Variants in ELFN1 observed in about 807,000 individuals in gnomAD.
ELFN1 encodes the protein extracellular leucine rich repeat and fibronectin type III domain containing 1, also known as protein ELFN1.
ELFN1 carries 6 observed loss-of-function variants against 7.6 expected under a neutral mutation model. The observed-to-expected ratio is 0.79, with a 90% confidence interval of 0.43 to 1.56. ELFN1 has a LOEUF of 1.56. ELFN1 is among the 40% of genes most tolerant of loss of function. The probability of loss-of-function intolerance (pLI) is 0.01; values close to 1 mark genes in which losing one functional copy is unlikely to be tolerated. For missense variants in ELFN1, 1,169 were observed against 1,232.2 expected (o/e 0.95, Z 0.77); for synonymous variants, 657 against 588.1 (o/e 1.12, Z -1.70).
At chr7:1,717,679 T>C (rs1779876415) in intron 3 of ELFN1, among the ~76,000 whole-genome samples, 1 of 152,036 alleles carries the variant, frequency 6.6e-6, no homozygotes, top group Admixed American at 6.5e-5. Context: ...AAGAAGAGTG[T>C]GTGGAACTTA....
Position 1,744,503 on chromosome 7 carries a change from C to T in ELFN1, c.-94C>T, listed in dbSNP as rs960974191. The T allele has an allele frequency of 2.9e-6, 4 of 1,361,710 alleles. No individual in the cohort carries two copies. Among genetic ancestry groups the T allele is most frequent in the East Asian group, 5.2e-5 (2 of 38,188 alleles). The allele number at this position is 1,361,710 out of a possible 1,614,324, so 84.4% of individuals were successfully genotyped here. On this transcript the variant is annotated 5_prime_UTR_variant, in exon 4 of 4. Transcript: ENST00000424383. ...CCCCTGAGAGTGCAGGCACCTCCCC[C>T]TCCCGCCCCTCCATCCCTCTGGGGG...
chr7:1,703,144 A>T (rs1170751241), intron 2 of ELFN1, among the ~76,000 whole-genome samples: 1 of 152,154 alleles, frequency 6.6e-6, no homozygotes, highest in Non-Finnish European at 1.5e-5. Flanking sequence ...CCCTGATTAT[A>T]CGGGAGGTTG....
At chr7:1,684,433 T>C (rs569238840) in intron 1 of ELFN1, among the ~76,000 whole-genome samples, 3 of 152,278 alleles carry the variant, frequency 2.0e-5, no homozygotes, top group South Asian at 4.1e-4. Flanking sequence ...ATCTCTGCTT[T>C]TTATTTGGTC....
rs1261237509 is a variant in ELFN1 at position 1,670,827 on chromosome 7, C to A, written c.-549+473C>A. Among the ~76,000 whole-genome samples, 2 of 151,330 alleles carry A rather than the reference C, an allele frequency of 1.3e-5. No homozygotes were observed. The highest frequency in any genetic ancestry group is 2.9e-5 in the Non-Finnish European group (2 of 68,020). ...ATCGCCCTCCCTGCTGGGCCGCCCT[C>A]CCCCCGACGCTGCGAGCCTCCTCGC... On this transcript the variant is annotated intron_variant, in intron 1 of 3. Coordinates refer to ENST00000424383, the MANE Select transcript of ELFN1 (RefSeq NM_001128636.4). This position sits in a 1 kb window ranked among gnomAD's most constrained non-coding sequence, Gnocchi z 6.4.
At chr7:1,691,667 C>T (rs1479775180) in intron 2 of ELFN1, among the ~76,000 whole-genome samples, 2 of 152,324 alleles carry the variant, frequency 1.3e-5, no homozygotes, top group East Asian at 1.9e-4. Context: ...AGCTGGCCAC[C>T]GGGTAGGTCT....
chr7:1,727,572 A>G (rs1033011390), intron 3 of ELFN1, among the ~76,000 whole-genome samples: 3 of 151,926 alleles, frequency 2.0e-5, no homozygotes, highest in African/African-American at 4.8e-5. Flanking sequence ...TCCTCATTCA[A>G]TTCGAGGACT....
Position 1,745,688 on chromosome 7 carries a change from G to A in ELFN1, c.1092G>A (p.Glu364=). 6.4e-7 allele frequency: 1 copy of A among 1,551,446 alleles called. No individual in the cohort carries two copies. The highest frequency in any genetic ancestry group is 8.7e-7 in the Non-Finnish European group (1 of 1,146,992). ...TGTCCAGGCTGACCAAGGCCCAGGA[G>A]GAGATCCGTCTGACCAACCTGTTCA... ...STVSRLTKAQ[E]EIRLTNLFTL... is the part of the protein sequence containing the mutation. Residue 364 remains glutamate (E), a synonymous_variant, in exon 4 of 4, where the codon GAG becomes GAA. Transcript: ENST00000424383.
At chr7:1,679,803 CT>C (rs1341743850) in intron 1 of ELFN1, among the ~76,000 whole-genome samples, 3 of 152,240 alleles carry the variant, frequency 2.0e-5, no homozygotes, top group Non-Finnish European at 4.4e-5. Context: ...GACTCTGCCC[CT>C]GTCCTTGGCC....
Position 1,745,145 on chromosome 7 carries a change from G to A in ELFN1, c.549G>A (p.Ser183=), listed in dbSNP as rs201038581. 5.6e-5 allele frequency: 87 copies of A among 1,550,228 alleles called. No individual in the cohort carries two copies. The highest frequency in any genetic ancestry group is 6.8e-5 in the African/African-American group (5 of 73,038). Residue 183 remains serine, a synonymous_variant, in exon 4 of 4, where the codon TCG becomes TCA. Transcript: ENST00000424383. ...SGTFAGLAKL[S]VCELYSNPFY... ...CCTTCGCCGGCCTGGCCAAGCTGTCGGTGTGCGAGCTCTACAGCAACCCCT... is the reference window on the plus strand; with the variant it reads ...CCTTCGCCGGCCTGGCCAAGCTGTCAGTGTGCGAGCTCTACAGCAACCCCT...
chr7:1,669,057 C>G (rs577920955), upstream of ELFN1, among the ~76,000 whole-genome samples: 6 of 152,348 alleles, frequency 3.9e-5, no homozygotes, highest in Admixed American at 3.3e-4. Flanking sequence ...GCCAAGGCAG[C>G]TCAGAGCCCA....
intron 2 of ELFN1, among the ~76,000 whole-genome samples, chr7:1,694,655 C>T (rs1204131879): frequency 2.0e-5 from 3 of 152,216 alleles, no homozygotes; most frequent in Non-Finnish European, 2.9e-5. Context: ...CACCCAGACG[C>T]CCACCTGCCC....
chr7:1,675,610 C>T (rs953471055), intron 1 of ELFN1, among the ~76,000 whole-genome samples: 3 of 152,248 alleles, frequency 2.0e-5, no homozygotes, highest in Admixed American at 2.0e-4. Context: ...GAATCCCGCC[C>T]GGCTTCCTGG....
Position 1,746,164 on chromosome 7 carries a change from G to A in ELFN1, c.1568G>A (p.Gly523Asp), listed in dbSNP as rs1780779776. 1.9e-5 allele frequency: 29 copies of A among 1,549,710 alleles called. No individual in the cohort carries two copies. Among genetic ancestry groups the A allele is most frequent in the Non-Finnish European group, 2.5e-5 (29 of 1,146,674 alleles). ...GCGGACACCCCCAAGGCCAGCAAGG[G>A]CAGCTACATGGAGGTTCGAACCGGG... The part of the protein sequence containing the change: ...ESADTPKASK[G>D]SYMEVRTGDP... Residue 523 changes from glycine to aspartate, a missense_variant, in exon 4 of 4, where the codon GGC becomes GAC. This residue lies in a region of ELFN1 where 914 missense variants were observed against 872.6 expected (regional missense o/e 1.05). Transcript: ENST00000424383.
intron 1 of ELFN1, among the ~76,000 whole-genome samples, chr7:1,680,314 G>A (rs868329286): frequency 6.6e-6 from 1 of 152,158 alleles, no homozygotes; most frequent in Non-Finnish European, 1.5e-5. Context: ...CCAAGGTCAC[G>A]GGGAGATCCT....
In ELFN1 at chr7:1,746,155, C is replaced by A. The variant is rs1380526610; in HGVS notation, c.1559C>A (p.Ala520Asp). The A allele has an allele frequency of 1.3e-6, 2 of 1,549,118 alleles. No homozygotes were observed. The highest frequency in any genetic ancestry group is 1.7e-6 in the Non-Finnish European group (2 of 1,146,344). ...KLVESADTPK[A>D]SKGSYMEVRT... ...GTGGAGAGCGCGGACACCCCCAAGGCCAGCAAGGGCAGCTACATGGAGGTT... is the reference window on the plus strand; with the variant it reads ...GTGGAGAGCGCGGACACCCCCAAGGACAGCAAGGGCAGCTACATGGAGGTT... The change falls in exon 4 of 4, where the codon GCC (alanine) becomes GAC (aspartate). Residue 520 changes from alanine (A) to aspartate (D), a missense_variant. Ala to Asp is a moderately radical substitution (Grantham distance 126). This residue lies in a region of ELFN1 where 914 missense variants were observed against 872.6 expected (regional missense o/e 1.05). Coordinates refer to ENST00000424383, the MANE Select transcript of ELFN1 (RefSeq NM_001128636.4).
In ELFN1 at chr7:1,695,762, A is replaced by C. The variant is rs184288775; in HGVS notation, c.-456+7612A>C. Among the ~76,000 whole-genome samples the C allele has an allele frequency of 0.018, 2,714 of 151,078 alleles. 100 individuals carry two copies. The highest frequency in any genetic ancestry group is 0.063 in the African/African-American group (2,583 of 40,860). ...GACTCCGTGTCAAAAAAAAAAAAAA[A>C]AAAAAAAAAACCGTGCTGGTTTGGT... On this transcript the variant is annotated intron_variant, in intron 2 of 3. Coordinates refer to ENST00000424383, the MANE Select transcript of ELFN1 (RefSeq NM_001128636.4). This position sits in a 1 kb window ranked among gnomAD's most constrained non-coding sequence, Gnocchi z 5.1.
chr7:1,708,935 C>G (rs1779594213), intron 2 of ELFN1, among the ~76,000 whole-genome samples, 156 bp from the exon 3 acceptor site: 1 of 152,202 alleles, frequency 6.6e-6, no homozygotes, highest in Non-Finnish European at 1.5e-5. Context: ...AGTCCCCAGC[C>G]TCTCTGATTT....
At chr7:1,692,374 A>G (rs12536482) in intron 2 of ELFN1, 33,674 of 152,588 alleles carry the variant, frequency 0.22, 4,652 homozygotes, top group Non-Finnish European at 0.3. Flanking sequence ...GTCTGGGTCC[A>G]CTCAGGGCTC....
rs1534788 is a variant in ELFN1 at position 1,747,367 on chromosome 7, G to C, written c.*284G>C. 0.4 allele frequency: 85,389 copies of C among 211,426 alleles called. 22,347 individuals are homozygous for C. The highest frequency in any genetic ancestry group is 0.56 in the Admixed American group (9,121 of 16,406). The allele number at this position is 211,426 out of a possible 1,614,324, so 13.1% of individuals were successfully genotyped here. On this transcript the variant is annotated 3_prime_UTR_variant, in exon 4 of 4. Transcript: ENST00000424383. ...CTTCGGAAAACTGTGTCTTAGGGATGGGGGGTGGGGGTGGGGATTTTTTTT... is the reference window on the plus strand; with the variant it reads ...CTTCGGAAAACTGTGTCTTAGGGATCGGGGGTGGGGGTGGGGATTTTTTTT...
Sources: allele counts gnomAD v4.1 joint callset (sites outside exome capture counted in the v4.1 genomes callset), GRCh38; gene constraint gnomAD v4.1.1; regional missense constraint gnomAD v4.1.1; non-coding constraint Gnocchi (gnomAD v3.1); transcripts MANE v1.5; gene names NCBI Gene and HGNC (gene_info 2026-07-23, HGNC 2026-07-21).